The following ATIC variants were observed in gnomAD, a reference collection of about 807,000 sequenced individuals.
ATIC encodes bifunctional purine biosynthesis protein ATIC.
Under a neutral mutation model 72.5 loss-of-function variants are expected in ATIC, and 64 were observed. The observed-to-expected ratio is 0.88, with a 90% CI of 0.72 to 1.09. The LOEUF (loss-of-function observed/expected upper bound fraction) is 1.09, where lower values mean the gene tolerates loss of function less well. ATIC is among the 50% of genes least tolerant of loss of function. The pLI is 0.00. For missense variants in ATIC, 787 were observed against 732.4 expected (o/e 1.07, Z -0.86); for synonymous variants, 281 against 267.1 (o/e 1.05, Z -0.51).
intron 11 of ATIC, among the ~76,000 whole-genome samples, chr2:215,336,746 C>G (rs1200623991): frequency 6.6e-6 from 1 of 152,074 alleles, no homozygotes; most frequent in Non-Finnish European, 1.5e-5. Context: ...TACAAATACC[C>G]CTGCAGTGAA....
the ATIC span, chr2:215,361,589 T>C: frequency 5.0e-6 from 8 of 1,612,554 alleles, 1 homozygote; most frequent in South Asian, 7.7e-5. Flanking sequence ...AGCCTGTACA[T>C]CTAAAGGCAT....
chr2:215,361,845 A>G, the ATIC span: 1 of 1,345,328 alleles, frequency 7.4e-7, no homozygotes. Context: ...TGTTTCACTT[A>G]AGTCATTTAT....
chr2:215,332,594 G>C, intron 8 of ATIC, 87 bp downstream of exon 8: 1 of 1,503,596 alleles, frequency 6.7e-7, no homozygotes, highest in South Asian at 1.2e-5. Context: ...GTTCTAATGT[G>C]AATATAGACA....
At position 215,330,456 on chromosome 2, in the gene ATIC, C is replaced by T. The variant is rs572763293; in HGVS notation, c.689-1926C>T. ...TCCCCGCAGTTTCTCCTGTTAACATCATGCATTAGTGTGGTGTATTTGTTA... is the reference window on the plus strand; with the variant it reads ...TCCCCGCAGTTTCTCCTGTTAACATTATGCATTAGTGTGGTGTATTTGTTA... On this transcript the variant is annotated intron_variant, in intron 7 of 15. Coordinates refer to ENST00000236959, the MANE Select transcript of ATIC (RefSeq NM_004044.7). 2.3e-4 allele frequency among the ~76,000 whole-genome samples: 35 copies of T among 152,264 alleles called. 1 individual carries two copies. The South Asian group carries it at 6.8e-3, about 30-fold the overall frequency.
chr2:215,353,641 A>T (rs987698573), downstream of ATIC, among the ~76,000 whole-genome samples: 2 of 152,006 alleles, frequency 1.3e-5, no homozygotes, highest in Non-Finnish European at 2.9e-5. Flanking sequence ...AGCTCACTGC[A>T]ACCTCCACCT....
At chr2:215,347,590 G>A (rs2106044516) in intron 14 of ATIC, 1 of 490,268 alleles carries the variant, frequency 2.0e-6, no homozygotes, top group Non-Finnish European at 4.1e-6. Context: ...CTTCTGAAGA[G>A]CCAATTGACT....
rs2052746614 is a variant in ATIC at position 215,319,674 on chromosome 2, C to T, written c.233C>T (p.Ala78Val). 2 of 1,609,366 alleles carry T rather than the reference C, an allele frequency of 1.2e-6. No individual in the cohort carries two copies. The highest frequency in any genetic ancestry group is 1.7e-6 in the Non-Finnish European group (2 of 1,175,866). Reference sequence around the variant, plus strand: ...AACTTTTTTAAATTAGGAATCCTAGCTCGTAATATTCCAGAAGATAATGCT... The same window carrying T: ...AACTTTTTTAAATTAGGAATCCTAGTTCGTAATATTCCAGAAGATAATGCT... Reference protein sequence around the residue: ...LHPAVHAGILARNIPEDNADM... With the variant: ...LHPAVHAGILVRNIPEDNADM... The change falls in exon 4 of 16, where the codon GCT becomes GTT. Residue 78 changes from alanine to valine, a missense_variant. Coordinates refer to ENST00000236959, the MANE Select transcript of ATIC (RefSeq NM_004044.7).
rs2052940289 is a variant in ATIC at position 215,335,101 on chromosome 2, T to G, written c.1008+97T>G. The G allele has an allele frequency of 4.9e-6, 3 of 609,218 alleles. 1 individual carries two copies. Among genetic ancestry groups the G allele is most frequent in the South Asian group, 6.4e-5 (2 of 31,140 alleles). The allele number at this position is 609,218 out of a possible 1,614,324, so 37.7% of individuals were successfully genotyped here. A position where few individuals can be genotyped will look rare whatever the true frequency, so the allele number is the denominator to read the frequency against. ...CCATAACCTATAATATTTATATTTA[T>G]AATATCTTTTAATTAGCTAAGTTTA... On this transcript the variant is annotated intron_variant, in intron 10 of 15. Coordinates refer to ENST00000236959, the MANE Select transcript of ATIC (RefSeq NM_004044.7).
chr2:215,345,730 C>T (rs2053064055), intron 13 of ATIC: 1 of 152,254 alleles, frequency 6.6e-6, no homozygotes, highest in Non-Finnish European at 1.5e-5. Flanking sequence ...CTACTGGTGT[C>T]AGGTTCTAAG....
chr2:215,320,632 T>C (rs2052756827), intron 4 of ATIC, among the ~76,000 whole-genome samples: 1 of 152,158 alleles, frequency 6.6e-6, no homozygotes, highest in Admixed American at 6.5e-5. Flanking sequence ...CAGGTTGGAG[T>C]TCAGTGGCAT....
the ATIC span, among the ~76,000 whole-genome samples, chr2:215,359,919 A>G: frequency 6.6e-6 from 1 of 152,026 alleles, no homozygotes; most frequent in African/African-American, 2.4e-5. Context: ...TCCACTATTT[A>G]CTATTCTGAA....
At chr2:215,362,186 A>T in the ATIC span, 1 of 767,398 alleles carries the variant, frequency 1.3e-6, no homozygotes, top group African/African-American at 1.7e-5. Context: ...CACTGGCAAA[A>T]TATAAGCAGT....
At chr2:215,355,032 C>G in the ATIC span, among the ~76,000 whole-genome samples, 1 of 152,000 alleles carries the variant, frequency 6.6e-6, no homozygotes, top group African/African-American at 2.4e-5. Context: ...GTCAACAGCT[C>G]CTTTCTCATT....
chr2:215,325,726 CTAATTTTTTTTGT>C lies in ATIC; in HGVS notation c.380-260_380-248del, dbSNP rs561994670. Among the ~76,000 whole-genome samples the C allele has an allele frequency of 2.5e-3, 387 of 152,100 alleles. 5 individuals are homozygous for C. The highest frequency in any genetic ancestry group is 9.0e-3 in the African/African-American group (374 of 41,494). On this transcript the variant is annotated intron_variant, in intron 5 of 15. Transcript: ENST00000236959. ...TACAGGTGCACACCACCACGCCTGG[CTAATTTTTTTTGT>C]ATTTTTTATAGAGATGGAATTTCGC... is the stretch of plus-strand genomic sequence containing the variant.
At chr2:215,360,832 G>A in the ATIC span, 1 of 152,580 alleles carries the variant, frequency 6.6e-6, no homozygotes, top group African/African-American at 2.4e-5. Flanking sequence ...TCCCCCGAAG[G>A]TGTCTTATAT....
chr2:215,339,070 A>G (rs1427348648), intron 12 of ATIC, among the ~76,000 whole-genome samples, 163 bp downstream of exon 12: 1 of 152,236 alleles, frequency 6.6e-6, no homozygotes, highest in East Asian at 1.9e-4. Flanking sequence ...GGAGTTTAAG[A>G]AATGAATCAA....
At chr2:215,342,905 C>T (rs1489036369) in intron 12 of ATIC, among the ~76,000 whole-genome samples, 5 of 152,166 alleles carry the variant, frequency 3.3e-5, no homozygotes, top group African/African-American at 1.2e-4. Flanking sequence ...GTCTTGAACT[C>T]CTGACTCAGG....
At position 215,319,674 on chromosome 2, in the gene ATIC, C is replaced by G; in HGVS notation, c.233C>G (p.Ala78Gly). The G allele has an allele frequency of 6.2e-7, 1 of 1,609,484 alleles. No individual in the cohort carries two copies. The highest frequency in any genetic ancestry group is 8.5e-7 in the Non-Finnish European group (1 of 1,175,858). The change falls in exon 4 of 16, where the codon GCT (alanine) becomes GGT (glycine). Residue 78 changes from alanine (A) to glycine (G), a missense_variant. By Grantham distance (60) the Ala-to-Gly change is moderately conservative (BLOSUM62 0). Coordinates refer to ENST00000236959, the MANE Select transcript of ATIC (RefSeq NM_004044.7). ...LHPAVHAGILARNIPEDNADM... is the reference protein window; with the variant it reads ...LHPAVHAGILGRNIPEDNADM... ...AACTTTTTTAAATTAGGAATCCTAG[C>G]TCGTAATATTCCAGAAGATAATGCT...
chr2:215,364,897 T>G, the ATIC span: 1 of 1,563,252 alleles, frequency 6.4e-7, no homozygotes, highest in Non-Finnish European at 8.7e-7. Flanking sequence ...CTCCAAAGCA[T>G]GTGCAGGAGC....
Sources: gnomAD v4.1 joint callset for allele counts (sites outside exome capture counted in the v4.1 genomes callset) on GRCh38, gnomAD v4.1.1 for gene constraint, MANE v1.5 for transcripts, NCBI Gene and HGNC (gene_info 2026-07-23, HGNC 2026-07-21) for gene names.